The following SCHIP1 variants were observed in gnomAD, a reference collection of about 807,000 sequenced individuals.
SCHIP1 encodes schwannomin-interacting protein 1.
A neutral mutation model predicts 29.7 loss-of-function variants in SCHIP1; 8 were observed. The observed-to-expected ratio is 0.27, with a 90% CI of 0.16 to 0.49. SCHIP1 has a LOEUF of 0.49. SCHIP1 is among the 20% of genes least tolerant of loss of function. The pLI, the probability that SCHIP1 is intolerant of heterozygous loss-of-function variation, is 0.99. For synonymous variants in SCHIP1, 76 were observed against 94.9 expected, an observed-to-expected ratio of 0.80 and a Z score of 1.16; for missense variants, 193 against 294.6, an observed-to-expected ratio of 0.66 and a Z score of 2.52.
At chr3:159,675,166 G>A in the SCHIP1 span, among the ~76,000 whole-genome samples, 4 of 152,202 alleles carry the variant, frequency 2.6e-5, no homozygotes, top group Admixed American at 2.0e-4. Flanking sequence ...TGTTGAACTT[G>A]TTGGTTTGAC....
At chr3:159,874,982 CT>C (rs1009882909) in intron 2 of SCHIP1, among the ~76,000 whole-genome samples, 1 of 130,794 alleles carries the variant, frequency 7.6e-6, no homozygotes, top group African/African-American at 2.9e-5. Context: ...ATGATGACTT[CT>C]TTTTTTTCAC....
the SCHIP1 span, among the ~76,000 whole-genome samples, chr3:159,452,610 T>C: frequency 2.0e-5 from 3 of 152,216 alleles, no homozygotes; most frequent in African/African-American, 7.2e-5. Context: ...GCAATAAATA[T>C]ACGTGTGCAT....
At chr3:159,409,890 A>C in the SCHIP1 span, among the ~76,000 whole-genome samples, 1 of 152,208 alleles carries the variant, frequency 6.6e-6, no homozygotes, top group Non-Finnish European at 1.5e-5. Context: ...ACAAAGCTAT[A>C]GTAACCAAAA....
the SCHIP1 span, among the ~76,000 whole-genome samples, chr3:159,301,605 T>C: frequency 6.6e-6 from 1 of 152,150 alleles, no homozygotes; most frequent in South Asian, 2.1e-4. Context: ...ATTATGGGGA[T>C]GGATTTCCCC....
At chr3:159,370,777 G>A in the SCHIP1 span, among the ~76,000 whole-genome samples, 2 of 152,040 alleles carry the variant, frequency 1.3e-5, no homozygotes, top group Non-Finnish European at 2.9e-5. Flanking sequence ...TTGGTCCCCT[G>A]GACTCCAGAA....
the SCHIP1 span, among the ~76,000 whole-genome samples, chr3:159,664,033 A>T: frequency 6.6e-6 from 1 of 152,216 alleles, no homozygotes; most frequent in Non-Finnish European, 1.5e-5. Context: ...ATATTCCTTC[A>T]TTTGAGGTTT....
chr3:159,303,668 G>A, the SCHIP1 span, among the ~76,000 whole-genome samples: 1 of 152,022 alleles, frequency 6.6e-6, no homozygotes, highest in Non-Finnish European at 1.5e-5. Flanking sequence ...CTCCTTTCTT[G>A]AGCTGTTTTA....
At chr3:159,712,754 GGGAAA>G in the SCHIP1 span, among the ~76,000 whole-genome samples, 1 of 149,038 alleles carries the variant, frequency 6.7e-6, no homozygotes, top group Non-Finnish European at 1.5e-5. Flanking sequence ...GGGAAAGAAA[GGGAAA>G]GGAAAGGAAG....
At chr3:159,284,727 C>T in the SCHIP1 span, among the ~76,000 whole-genome samples, 1 of 152,036 alleles carries the variant, frequency 6.6e-6, no homozygotes. Flanking sequence ...GAACTTGTGA[C>T]CTCAGATGAT....
At chr3:159,745,604 G>C in the SCHIP1 span, among the ~76,000 whole-genome samples, 1 of 152,196 alleles carries the variant, frequency 6.6e-6, no homozygotes, top group African/African-American at 2.4e-5. Context: ...TTTCACTGCA[G>C]TCTAATAGTT....
chr3:159,420,721 A>AT, the SCHIP1 span, among the ~76,000 whole-genome samples: 2 of 152,184 alleles, frequency 1.3e-5, no homozygotes, highest in Non-Finnish European at 2.9e-5. Context: ...GGAGAGCATT[A>AT]TTTTTGGCAG....
chr3:159,726,421 C>T, the SCHIP1 span, among the ~76,000 whole-genome samples: 1 of 152,166 alleles, frequency 6.6e-6, no homozygotes, highest in African/African-American at 2.4e-5. Context: ...CAGGCTGACA[C>T]GCCCTGCTTA....
chr3:159,401,413 A>T, the SCHIP1 span: 1 of 939,788 alleles, frequency 1.1e-6, no homozygotes, highest in Non-Finnish European at 1.3e-6. Context: ...AATTTTAGAT[A>T]GTAATAAAAA....
chr3:159,836,973 T>C (rs924207837), upstream of SCHIP1, among the ~76,000 whole-genome samples: 7 of 152,224 alleles, frequency 4.6e-5, no homozygotes, highest in Admixed American at 4.6e-4. Flanking sequence ...TTTTTCATCT[T>C]GTTTATACCT....
At chr3:159,772,636 C>G in the SCHIP1 span, among the ~76,000 whole-genome samples, 1 of 152,242 alleles carries the variant, frequency 6.6e-6, no homozygotes, top group Admixed American at 6.5e-5. Context: ...CTTTAATTTA[C>G]TCAAAGTTGC....
At chr3:159,485,736 A>T in the SCHIP1 span, among the ~76,000 whole-genome samples, 2 of 152,200 alleles carry the variant, frequency 1.3e-5, no homozygotes, top group Admixed American at 6.5e-5. Context: ...TCCATTGCAG[A>T]GTTACCAAGA....
chr3:159,856,073 A>G (rs1174946376), intron 1 of SCHIP1, among the ~76,000 whole-genome samples: 1 of 152,188 alleles, frequency 6.6e-6, no homozygotes, highest in Non-Finnish European at 1.5e-5. Context: ...TCCGAGGTGT[A>G]TGTGTTCAGC....
the SCHIP1 span, among the ~76,000 whole-genome samples, chr3:159,373,415 A>G: frequency 6.6e-6 from 1 of 152,028 alleles, no homozygotes; most frequent in East Asian, 1.9e-4. Flanking sequence ...CACCTTAAAT[A>G]TTTATCAATT....
chr3:159,820,891 A>G, the SCHIP1 span, among the ~76,000 whole-genome samples: 1 of 152,210 alleles, frequency 6.6e-6, no homozygotes, highest in Admixed American at 6.5e-5. Context: ...ATACAATAGA[A>G]CTTTCTTCCA....
Sources: gnomAD v4.1 joint callset for allele counts (sites outside exome capture counted in the v4.1 genomes callset) on GRCh38, gnomAD v4.1.1 for gene constraint, MANE v1.5 for transcripts, NCBI Gene and HGNC (gene_info 2026-07-23, HGNC 2026-07-21) for gene names.